Variants in IBTK observed in about 807,000 individuals in gnomAD.
The protein encoded by IBTK is BTK-binding protein.
Under a neutral mutation model 154.9 loss-of-function variants are expected in IBTK, and 83 were observed. That is an observed-to-expected ratio of 0.54 (90% CI 0.45 to 0.64). IBTK has a LOEUF of 0.64. Among genes scored for constraint, IBTK ranks in the 30% least tolerant of loss-of-function variants. IBTK has a pLI of 0.00. For synonymous variants in IBTK, 515 were observed against 536.1 expected, an observed-to-expected ratio of 0.96 and a Z score of 0.54; for missense variants, 1,332 against 1,584.6, an observed-to-expected ratio of 0.84 and a Z score of 2.71.
chr6:82,187,378 G>A (rs1386146032), intron 25 of IBTK, among the ~76,000 whole-genome samples: 1 of 151,986 alleles, frequency 6.6e-6, no homozygotes, highest in East Asian at 1.9e-4. Flanking sequence ...AGCTCATGTT[G>A]CTATTACCAA....
rs752817893 is a variant in IBTK at position 82,171,559 on chromosome 6, G to A, written c.3931-3C>T. 37 of 1,586,270 alleles carry A rather than the reference G, an allele frequency of 2.3e-5. No homozygotes were observed. Among genetic ancestry groups the A allele is most frequent in the South Asian group, 5.7e-5 (5 of 88,378 alleles). On this transcript the variant is annotated splice_region_variant and splice_polypyrimidine_tract_variant and intron_variant, in intron 28 of 28. Transcript: ENST00000306270. ...TCTTGTATGGCATGCTCCTCAATCT[G>A]AAAGGAGGAAGGGAAAGAAGACTCT...
At chr6:82,237,661 G>GTAGTAGTAGTAGTAGTA (rs1554188041) in intron 2 of IBTK, among the ~76,000 whole-genome samples, 3 of 143,674 alleles carry the variant, frequency 2.1e-5, no homozygotes, top group African/African-American at 7.7e-5. Flanking sequence ...AGATAGTAGT[G>GTAGTAGTAGTAGTAGTA]GTAGTAGTAG....
At chr6:82,172,761 C>A (rs1767973194) in intron 27 of IBTK, 3 of 376,280 alleles carry the variant, frequency 8.0e-6, no homozygotes, top group Non-Finnish European at 1.4e-5. Context: ...ATGAGCGAAC[C>A]TGGAAGCTTT....
chr6:82,222,924 TATG>T (rs1770152394), intron 8 of IBTK, among the ~76,000 whole-genome samples: 2 of 151,952 alleles, frequency 1.3e-5, no homozygotes, highest in Admixed American at 1.3e-4. Context: ...ACAAAAACTT[TATG>T]ATTCTTTGCT....
In IBTK at chr6:82,189,502, C is replaced by T. The variant is rs923553419; in HGVS notation, c.3575+1571G>A. On this transcript the variant is annotated intron_variant, in intron 25 of 28. Transcript: ENST00000306270. Reference sequence around the variant, plus strand: ...TTATACATCCTTTATCAGAAACCTACTGGAGTTGTGCTACATCAAAACAAG... The same window carrying T: ...TTATACATCCTTTATCAGAAACCTATTGGAGTTGTGCTACATCAAAACAAG... Among the ~76,000 whole-genome samples the T allele has an allele frequency of 4.6e-5, 7 of 152,100 alleles. No homozygotes were observed. The South Asian group carries it at 1.2e-3, about 27-fold the overall frequency.
intron 4 of IBTK, 46 bp downstream of exon 4, chr6:82,231,672 G>A: frequency 6.9e-7 from 1 of 1,443,662 alleles, no homozygotes; most frequent in Non-Finnish European, 9.3e-7. Flanking sequence ...AAATACAAAA[G>A]TTCTTTCTCA....
Position 82,223,542 on chromosome 6 carries a change from G to A in IBTK, c.1022C>T (p.Ala341Val), listed in dbSNP as rs764295771. 6.2e-7 allele frequency: 1 copy of A among 1,614,050 alleles called. No homozygotes were observed. Among genetic ancestry groups the A allele is most frequent in the Non-Finnish European group, 8.5e-7 (1 of 1,179,910 alleles). Residue 341 changes from alanine (A) to valine (V), a missense_variant, in exon 8 of 29, where the codon GCT becomes GTT. Around this residue, in one of 3 missense-constraint regions of IBTK, gnomAD observed 1,134 missense variants for 1,274.7 expected, o/e 0.89. Coordinates refer to ENST00000306270, the MANE Select transcript of IBTK (RefSeq NM_015525.4). ...QVSALHHKDIALSLVAASDGA... is the reference protein window; with the variant it reads ...QVSALHHKDIVLSLVAASDGA... Reference sequence around the variant, plus strand: ...ATCACTTGCAGCAACCAAAGACAGAGCAATGTCTTTATGGTGAAGGGCAGA... The same window carrying A: ...ATCACTTGCAGCAACCAAAGACAGAACAATGTCTTTATGGTGAAGGGCAGA...
intron 16 of IBTK, among the ~76,000 whole-genome samples, chr6:82,207,176 A>G (rs923874663): frequency 1.3e-5 from 2 of 152,204 alleles, no homozygotes; most frequent in African/African-American, 4.8e-5. Context: ...ATGATCTTGC[A>G]TATAGAAAAT....
In IBTK at chr6:82,220,663, T is replaced by C. The variant is rs1163298289; in HGVS notation, c.1175A>G (p.Lys392Arg). ...TTCTTTCAAATGTTCAGGATCAACCTTGTATTCCATATGACCCCCAGACAC... is the reference window on the plus strand; with the variant it reads ...TTCTTTCAAATGTTCAGGATCAACCCTGTATTCCATATGACCCCCAGACAC... ...VLVSGGHMEY[K>R]VDPEHLKENG... Residue 392 changes from lysine to arginine, a missense_variant, in exon 9 of 29, where the codon AAG (lysine) becomes AGG (arginine). Coordinates refer to ENST00000306270, the MANE Select transcript of IBTK (RefSeq NM_015525.4). 1.1e-5 allele frequency: 17 copies of C among 1,611,682 alleles called. No individual in the cohort carries two copies. The highest frequency in any genetic ancestry group is 1.4e-5 in the Non-Finnish European group (16 of 1,179,086).
chr6:82,203,269 T>C (rs1769280265), intron 17 of IBTK, among the ~76,000 whole-genome samples: 1 of 152,110 alleles, frequency 6.6e-6, no homozygotes, highest in Non-Finnish European at 1.5e-5. Flanking sequence ...AGTAACATTA[T>C]ATATAAAGTA....
intron 25 of IBTK, among the ~76,000 whole-genome samples, chr6:82,189,506 A>C (rs1474223850): frequency 1.3e-5 from 2 of 152,202 alleles, no homozygotes; most frequent in African/African-American, 4.8e-5. Flanking sequence ...AACCTACTGG[A>C]GTTGTGCTAC....
At chr6:82,247,001 T>C (rs140541874) in intron 1 of IBTK, among the ~76,000 whole-genome samples, 1 of 152,306 alleles carries the variant, frequency 6.6e-6, no homozygotes, top group Non-Finnish European at 1.5e-5. Context: ...TAAAACTCTT[T>C]GAGCCAGACA....
intron 4 of IBTK, among the ~76,000 whole-genome samples, chr6:82,231,240 AT>A (rs980968089): frequency 3.9e-5 from 6 of 152,150 alleles, no homozygotes; most frequent in Non-Finnish European, 8.8e-5. Flanking sequence ...ACCTAAAAAC[AT>A]TATTTTGTTA....
At chr6:82,191,953 G>T in intron 23 of IBTK, 74 bp from the exon 24 acceptor site, 3 of 730,140 alleles carry the variant, frequency 4.1e-6, no homozygotes, top group South Asian at 1.8e-5. Context: ...TCACTGAAAT[G>T]ATAAGTGATA....
Position 82,223,531 on chromosome 6 carries a change from C to A in IBTK, c.1033G>T (p.Val345Phe). Residue 345 changes from valine to phenylalanine, a missense_variant, in exon 8 of 29, where the codon GTT becomes TTT. By Grantham distance (50) the Val-to-Phe change is conservative. Around this residue, in one of 3 missense-constraint regions of IBTK, gnomAD observed 1,134 missense variants for 1,274.7 expected, o/e 0.89. Coordinates refer to ENST00000306270, the MANE Select transcript of IBTK (RefSeq NM_015525.4). ...ACTGTAGCTCCATCACTTGCAGCAA[C>A]CAAAGACAGAGCAATGTCTTTATGG... ...LHHKDIALSL[V>F]AASDGATVCV... The A allele has an allele frequency of 2.5e-6, 4 of 1,613,984 alleles. No homozygotes were observed. Among genetic ancestry groups the A allele is most frequent in the Non-Finnish European group, 3.4e-6 (4 of 1,179,852 alleles).
rs904408703 is a variant in IBTK, at chr6:82,246,299, G to T, written c.-358+1263C>A. Among the ~76,000 whole-genome samples the T allele has an allele frequency of 3.7e-4, 56 of 152,068 alleles. 1 individual carries two copies. Among genetic ancestry groups the T allele is most frequent in the Non-Finnish European group, 4.4e-5 (3 of 68,026 alleles). ...TTCTGCCTCAGCCTCCCGAGTAGCTGGGATTACAGGCACACATCACCATGC... is the reference window on the plus strand; with the variant it reads ...TTCTGCCTCAGCCTCCCGAGTAGCTTGGATTACAGGCACACATCACCATGC... On this transcript the variant is annotated intron_variant, in intron 1 of 28. Coordinates refer to ENST00000306270, the MANE Select transcript of IBTK (RefSeq NM_015525.4).
intron 9 of IBTK, among the ~76,000 whole-genome samples, chr6:82,218,788 T>G (rs1769967049): frequency 1.3e-5 from 2 of 152,168 alleles, no homozygotes; most frequent in African/African-American, 4.8e-5. Flanking sequence ...CAATTTCATT[T>G]GAAAAATTGG....
chr6:82,176,173 A>AG (rs528709687), intron 26 of IBTK, among the ~76,000 whole-genome samples: 45 of 152,280 alleles, frequency 3.0e-4, no homozygotes, highest in African/African-American at 1.1e-3. Flanking sequence ...ATCAGATTGG[A>AG]GCTGATATAA....
At chr6:82,216,291 T>A in intron 10 of IBTK, 41 bp from the exon 11 acceptor site, 1 of 1,272,784 alleles carries the variant, frequency 7.9e-7, no homozygotes, top group Non-Finnish European at 1.1e-6. Context: ...AAGGCTTTAC[T>A]GAAACTACTA....
Sources: allele counts gnomAD v4.1 joint callset (sites outside exome capture counted in the v4.1 genomes callset), GRCh38; gene constraint gnomAD v4.1.1; regional missense constraint gnomAD v4.1.1; transcripts MANE v1.5; gene names NCBI Gene and HGNC (gene_info 2026-07-23, HGNC 2026-07-21).